The following MYEF2 variants were observed in gnomAD, a reference collection of about 807,000 sequenced individuals.
MYEF2 encodes the protein myelin gene expression factor 2.
A neutral mutation model predicts 75.2 loss-of-function variants in MYEF2; 37 were observed. That is an observed-to-expected ratio of 0.49 (90% confidence interval 0.38 to 0.65). The LOEUF is 0.65. Among genes scored for constraint, MYEF2 ranks in the 30% least tolerant of loss-of-function variants. The pLI, the probability that MYEF2 is intolerant of heterozygous loss-of-function variation, is 0.00. For missense variants in MYEF2, 634 were observed against 771.4 expected, an observed-to-expected ratio of 0.82 and a Z score of 2.11; for synonymous variants, 195 against 241.6, an observed-to-expected ratio of 0.81 and a Z score of 1.79.
intron 14 of MYEF2, 144 bp downstream of exon 14, chr15:48,150,956 C>G (rs1684805478): frequency 2.1e-6 from 1 of 472,326 alleles, no homozygotes; most frequent in African/African-American, 2.0e-5. Context: ...AAAGGCTTTG[C>G]TCAATTATCA....
chr15:48,159,453 T>C, intron 6 of MYEF2, 160 bp downstream of exon 6: 3 of 628,316 alleles, frequency 4.8e-6, no homozygotes, highest in Non-Finnish European at 8.3e-6. Flanking sequence ...TGTGTGTATA[T>C]ATATGTATAT....
At chr15:48,161,510 T>C (rs1005057735) in intron 5 of MYEF2, among the ~76,000 whole-genome samples, 5 of 151,940 alleles carry the variant, frequency 3.3e-5, no homozygotes, top group Admixed American at 2.0e-4. Context: ...TCCCTCATCA[T>C]TTAGCTAGGC....
intron 9 of MYEF2, among the ~76,000 whole-genome samples, chr15:48,156,479 T>C (rs2039701490): frequency 6.6e-6 from 1 of 151,090 alleles, no homozygotes; most frequent in Admixed American, 6.6e-5. Context: ...GAAAAAATCC[T>C]TAGAAAAATA....
rs577617254 is a variant in MYEF2 at position 48,134,779 on chromosome 15, A to T, written c.*8129T>A. ...TTTTTCTCTAAGCAATATGCAAAAG[A>T]TAACAATATTTAACTACAAATATAT... On this transcript the variant is annotated 3_prime_UTR_variant, in exon 17 of 17. Transcript: ENST00000324324. 21 of 941,560 alleles carry T rather than the reference A, an allele frequency of 2.2e-5. No individual in the cohort carries two copies. The East Asian group carries it at 5.4e-4, about 24-fold the overall frequency. 58.3% of individuals were successfully genotyped at this position (941,560 alleles called of 1,614,324 possible).
chr15:48,177,842 G>T (rs1462612478), intron 1 of MYEF2, among the ~76,000 whole-genome samples: 2 of 152,310 alleles, frequency 1.3e-5, no homozygotes. Flanking sequence ...AGGGAAGAGC[G>T]CTGGTCCCCG....
chr15:48,177,935 T>TG, intron 1 of MYEF2, 142 bp downstream of exon 1: 1 of 1,153,600 alleles, frequency 8.7e-7, no homozygotes, highest in Non-Finnish European at 1.2e-6. Context: ...CAGCTGCACC[T>TG]GCTCCTCAGG....
In MYEF2 at chr15:48,134,637, G is replaced by GCAAT; in HGVS notation, c.*8267_*8270dup. On this transcript the variant is annotated 3_prime_UTR_variant, in exon 17 of 17. Transcript: ENST00000324324. ...GGACAACAGGGCACTAATAATATGTGCAATCAAATTTATTAATCAGTAGAA... is the reference window on the plus strand; with the variant it reads ...GGACAACAGGGCACTAATAATATGTGCAATCAATCAAATTTATTAATCAGTAGAA... 1 of 874,502 alleles carries GCAAT rather than the reference G, an allele frequency of 1.1e-6. No individual in the cohort carries two copies. Among genetic ancestry groups the GCAAT allele is most frequent in the East Asian group, 2.5e-5 (1 of 39,772 alleles). The allele number at this position is 874,502 out of a possible 1,614,324, so 54.2% of individuals were successfully genotyped here.
chr15:48,142,754 G>C lies in MYEF2; in HGVS notation c.*154C>G. Reference sequence around the variant, plus strand: ...AAACTTGAGATTAACAAAAATTACAGTATATTTTTAACATTATACTGTTAA... The same window carrying C: ...AAACTTGAGATTAACAAAAATTACACTATATTTTTAACATTATACTGTTAA... On this transcript the variant is annotated 3_prime_UTR_variant, in exon 17 of 17. Coordinates refer to ENST00000324324, the MANE Select transcript of MYEF2 (RefSeq NM_016132.5). 2.9e-6 allele frequency: 2 copies of C among 700,234 alleles called. No homozygotes were observed. The highest frequency in any genetic ancestry group is 4.3e-6 in the Non-Finnish European group (2 of 460,282). The allele number at this position is 700,234 out of a possible 1,614,324, so 43.4% of individuals were successfully genotyped here. A position where few individuals can be genotyped will look rare whatever the true frequency, so the allele number is the denominator to read the frequency against.
At chr15:48,161,983 T>C (rs983133001) in intron 5 of MYEF2, among the ~76,000 whole-genome samples, 1 of 151,656 alleles carries the variant, frequency 6.6e-6, no homozygotes, top group Non-Finnish European at 1.5e-5. Context: ...GCACTGGCCC[T>C]GGCTTATGCA....
intron 1 of MYEF2, among the ~76,000 whole-genome samples, chr15:48,177,318 A>C (rs768009287): frequency 6.6e-6 from 1 of 152,106 alleles, no homozygotes; most frequent in Non-Finnish European, 1.5e-5. Flanking sequence ...TGCGACCTTA[A>C]AAGTCTTCCT....
chr15:48,167,611 T>C (rs1357403698), intron 2 of MYEF2, among the ~76,000 whole-genome samples: 1 of 152,104 alleles, frequency 6.6e-6, no homozygotes, highest in Non-Finnish European at 1.5e-5. Flanking sequence ...AAAAAAAAGC[T>C]AACAACCATA....
At chr15:48,145,396 C>T (rs2039244969) in intron 16 of MYEF2, among the ~76,000 whole-genome samples, 1 of 151,872 alleles carries the variant, frequency 6.6e-6, no homozygotes. Context: ...TTTTTACATG[C>T]TCTGAGAACT....
Position 48,139,244 on chromosome 15 carries a change from CAAAGT to C in MYEF2, c.*3659_*3663del. The C allele has an allele frequency of 7.6e-7, 1 of 1,320,044 alleles. No homozygotes were observed. Among genetic ancestry groups the C allele is most frequent in the South Asian group, 1.3e-5 (1 of 79,652 alleles). 81.8% of individuals were successfully genotyped at this position (1,320,044 alleles called of 1,614,324 possible). On this transcript the variant is annotated 3_prime_UTR_variant, in exon 17 of 17. Coordinates refer to ENST00000324324, the MANE Select transcript of MYEF2 (RefSeq NM_016132.5). ...TAAGAACAAATTGCATATGTTCACT[CAAAGT>C]AGTCTAGCTACACAGCAAATTTCTT...
rs557328903 is a variant in MYEF2, at chr15:48,177,394, T to TAA, written c.161+681_161+682dup. Among the ~76,000 whole-genome samples the TAA allele has an allele frequency of 5.9e-3, 870 of 147,718 alleles. 9 individuals carry two copies. The highest frequency in any genetic ancestry group is 0.039 in the East Asian group (197 of 5,090). On this transcript the variant is annotated intron_variant, in intron 1 of 16. Coordinates refer to ENST00000324324, the MANE Select transcript of MYEF2 (RefSeq NM_016132.5). ...AACTTAAGATAATCATACACTGAGT[T>TAA]AAAAAAAAAAATACTCTCCACAGCT...
At chr15:48,152,609 T>G (rs907081762) in intron 10 of MYEF2, 2 of 258,460 alleles carry the variant, frequency 7.7e-6, no homozygotes, top group African/African-American at 4.5e-5. Context: ...CTACTATCAA[T>G]GATTTTTTTT....
intron 16 of MYEF2, among the ~76,000 whole-genome samples, chr15:48,146,372 A>G (rs1176781387): frequency 6.6e-6 from 1 of 151,936 alleles, no homozygotes; most frequent in African/African-American, 2.4e-5. Context: ...CCTGGGGTCA[A>G]AAATGTTACC....
At position 48,158,841 on chromosome 15, in the gene MYEF2, CTTCT is replaced by C; in HGVS notation, c.795_798del (p.Glu266ThrfsTer39). On this transcript the variant is annotated frameshift_variant, in exon 7 of 17. Transcript: ENST00000324324. LOFTEE classifies it high-confidence loss of function. ...ATTCCTCTGCTCTTGCCATCTTTGT[CTTCT>C]TTAATATCTGCCCGCTTCACAGTTC... 1 of 1,613,766 alleles carries C rather than the reference CTTCT, an allele frequency of 6.2e-7. No homozygotes were observed. The highest frequency in any genetic ancestry group is 8.5e-7 in the Non-Finnish European group (1 of 1,179,760).
chr15:48,161,281 G>A (rs994968504), intron 5 of MYEF2, among the ~76,000 whole-genome samples: 6 of 151,810 alleles, frequency 4.0e-5, no homozygotes, highest in Admixed American at 3.3e-4. Flanking sequence ...TGCTTTTGGA[G>A]GGCCTACAAT....
chr15:48,159,885 G>A (rs990328410), intron 5 of MYEF2, 81 bp from the exon 6 acceptor site: 4 of 1,392,700 alleles, frequency 2.9e-6, no homozygotes, highest in African/African-American at 2.9e-5. Context: ...AAATTCTACA[G>A]TAGCTATCCT....
Sources: allele counts gnomAD v4.1 joint callset (sites outside exome capture counted in the v4.1 genomes callset), GRCh38; gene constraint gnomAD v4.1.1; transcripts MANE v1.5; gene names NCBI Gene and HGNC (gene_info 2026-07-23, HGNC 2026-07-21).